The following METTL22 variants were observed in gnomAD, a reference collection of about 807,000 sequenced individuals.
The protein encoded by METTL22 is methyltransferase 22, Kin17 lysine.
In METTL22, 51 loss-of-function variants were observed where a neutral mutation model predicts 48.4. The observed-to-expected ratio is 1.05, with a 90% CI of 0.84 to 1.33. The LOEUF is 1.33. Among genes scored for constraint, METTL22 ranks in the 40% most tolerant of loss-of-function variants. The pLI is 0.00. For missense variants in METTL22, 678 were observed against 526.9 expected (o/e 1.29, Z -2.81); for synonymous variants, 255 against 214.1 (o/e 1.19, Z -1.67).
intron 3 of METTL22, among the ~76,000 whole-genome samples, chr16:8,633,692 A>T (rs2056335213): frequency 6.6e-6 from 1 of 152,196 alleles, no homozygotes; most frequent in Non-Finnish European, 1.5e-5. Flanking sequence ...CAGCCTGCTA[A>T]CCTCACCCAG....
downstream of METTL22, among the ~76,000 whole-genome samples, chr16:8,650,740 A>T (rs886390024): frequency 6.6e-6 from 1 of 152,212 alleles, no homozygotes; most frequent in Non-Finnish European, 1.5e-5. Context: ...TCAATAAATG[A>T]AAAAAAGCCA....
At chr16:8,652,508 C>T (rs1293190122), downstream of METTL22, among the ~76,000 whole-genome samples, 1 of 146,936 alleles carries the variant, frequency 6.8e-6, no homozygotes, top group Non-Finnish European at 1.5e-5. Flanking sequence ...TGTGCCCTTG[C>T]CCTTGCTTGC....
the METTL22 span, among the ~76,000 whole-genome samples, chr16:8,662,257 C>T: frequency 6.9e-6 from 1 of 145,164 alleles, no homozygotes; most frequent in Non-Finnish European, 1.5e-5. Context: ...ATAAAAATAG[C>T]AAAGAAGTAA....
At chr16:8,643,717 C>T (rs559593777) in intron 9 of METTL22, among the ~76,000 whole-genome samples, 1 of 152,250 alleles carries the variant, frequency 6.6e-6, no homozygotes, top group African/African-American at 2.4e-5. Context: ...GGGTTCACAC[C>T]ATTCTCCTGT....
downstream of METTL22, among the ~76,000 whole-genome samples, chr16:8,653,237 G>C (rs1229996951): frequency 6.6e-6 from 1 of 152,206 alleles, no homozygotes; most frequent in South Asian, 2.1e-4. Context: ...GAATCACTCT[G>C]ACAGTTTTGT....
downstream of METTL22, among the ~76,000 whole-genome samples, chr16:8,651,341 C>G (rs1004758635): frequency 7.6e-6 from 1 of 131,346 alleles, no homozygotes; most frequent in South Asian, 2.6e-4. Flanking sequence ...GAGCTGAGAT[C>G]GAGCCACTGC....
chr16:8,624,027 GT>G (rs2055953226), intron 1 of METTL22: 1 of 152,202 alleles, frequency 6.6e-6, no homozygotes, highest in Non-Finnish European at 1.5e-5. Flanking sequence ...CTGCTCAGCA[GT>G]TTACCCACCC....
intron 7 of METTL22, chr16:8,641,763 A>G (rs1389646093): frequency 2.4e-6 from 1 of 420,012 alleles, no homozygotes; most frequent in Non-Finnish European, 4.5e-6. Context: ...GTGAGGAAGT[A>G]GTACTGTGCC....
chr16:8,646,340 G>A lies in METTL22; in HGVS notation c.*197G>A, dbSNP rs2056799777. The A allele has an allele frequency of 2.7e-6, 2 of 750,884 alleles. No homozygotes were observed. The highest frequency in any genetic ancestry group is 5.4e-5 in the East Asian group (2 of 37,310). 46.5% of individuals were successfully genotyped at this position (750,884 alleles called of 1,614,324 possible). A position where few individuals can be genotyped will look rare whatever the true frequency, so the allele number is the denominator to read the frequency against. ...GTAGCCAGAGAAGGTTGTTGCTGTG[G>A]GCTGGAGGTCACTTTAGTTGCCTGT... is the stretch of plus-strand genomic sequence containing the variant. On this transcript the variant is annotated 3_prime_UTR_variant, in exon 11 of 11. Coordinates refer to ENST00000381920, the MANE Select transcript of METTL22 (RefSeq NM_024109.4).
intron 5 of METTL22, among the ~76,000 whole-genome samples, chr16:8,637,911 G>T (rs942995894): frequency 3.9e-5 from 6 of 152,010 alleles, no homozygotes; most frequent in African/African-American, 7.3e-5. Flanking sequence ...GCCGAGGCAG[G>T]TGGATCACCT....
chr16:8,661,237 C>T, the METTL22 span, among the ~76,000 whole-genome samples: 59 of 152,150 alleles, frequency 3.9e-4, no homozygotes, highest in Middle Eastern at 3.4e-3. Context: ...TCTACAGTGA[C>T]TCTCGGGGGA....
intron 5 of METTL22, among the ~76,000 whole-genome samples, chr16:8,635,820 G>T (rs991154234): frequency 2.6e-5 from 4 of 152,204 alleles, no homozygotes; most frequent in African/African-American, 9.7e-5. Flanking sequence ...GATGTAGGAG[G>T]CCCTGCGGTG....
the METTL22 span, among the ~76,000 whole-genome samples, chr16:8,665,431 T>A: frequency 6.6e-6 from 1 of 152,190 alleles, no homozygotes; most frequent in East Asian, 1.9e-4. Flanking sequence ...GCCTGGCACC[T>A]TCCAGGCAAA....
chr16:8,628,312 T>G (rs551239808), intron 2 of METTL22, among the ~76,000 whole-genome samples: 1 of 152,288 alleles, frequency 6.6e-6, no homozygotes, highest in East Asian at 1.9e-4. Flanking sequence ...ATCGGACAGA[T>G]TCAAAAACTG....
At chr16:8,627,381 G>A (rs1240386829) in intron 2 of METTL22, among the ~76,000 whole-genome samples, 1 of 152,036 alleles carries the variant, frequency 6.6e-6, no homozygotes, top group Non-Finnish European at 1.5e-5. Flanking sequence ...GGGGAGAGAA[G>A]CAACCATAAG....
downstream of METTL22, among the ~76,000 whole-genome samples, chr16:8,650,122 T>G (rs2056872691): frequency 6.6e-6 from 1 of 152,206 alleles, no homozygotes; most frequent in Non-Finnish European, 1.5e-5. Context: ...GGACAGGAGT[T>G]TGAGATCAGC....
Position 8,647,340 on chromosome 16 carries a change from C to T in METTL22, c.*1197C>T, listed in dbSNP as rs2056822991. On this transcript the variant is annotated 3_prime_UTR_variant, in exon 11 of 11. Transcript: ENST00000381920. ...AAAAAGTCTCCATGAGGTCAGGGAC[C>T]TTGTTTGTCTTAAATATCACTACAT... 6.5e-6 allele frequency: 1 copy of T among 153,844 alleles called. No individual in the cohort carries two copies. Among genetic ancestry groups the T allele is most frequent in the East Asian group, 1.9e-4 (1 of 5,198 alleles). 9.5% of individuals were successfully genotyped at this position (153,844 alleles called of 1,614,324 possible).
Position 8,625,645 on chromosome 16 carries a change from GA to G in METTL22, c.-20del. The stretch of plus-strand genomic sequence containing the variant: ...CACCTCTGAGGGACTCCTGTCCTAG[GA>G]CTAAGGTGGAGCCTGGGCCATGGTA... On this transcript the variant is annotated 5_prime_UTR_variant, in exon 2 of 11. Transcript: ENST00000381920. The G allele has an allele frequency of 6.2e-7, 1 of 1,613,810 alleles. No homozygotes were observed. Among genetic ancestry groups the G allele is most frequent in the Non-Finnish European group, 8.5e-7 (1 of 1,179,942 alleles).
the METTL22 span, among the ~76,000 whole-genome samples, chr16:8,665,413 A>G: frequency 6.6e-6 from 1 of 152,204 alleles, no homozygotes; most frequent in East Asian, 1.9e-4. Context: ...TCTGGGACCC[A>G]GCATACAGCC....
Sources: allele counts gnomAD v4.1 joint callset (sites outside exome capture counted in the v4.1 genomes callset), GRCh38; gene constraint gnomAD v4.1.1; transcripts MANE v1.5; gene names NCBI Gene and HGNC (gene_info 2026-07-23, HGNC 2026-07-21).